The following MALRD1 variants were observed in gnomAD, a reference collection of about 807,000 sequenced individuals.
MALRD1 encodes the protein MAM and LDL receptor class A domain containing 1.
A neutral mutation model predicts 242.1 loss-of-function variants in MALRD1; 247 were observed. The ratio of observed to expected loss-of-function variants is 1.02; its 90% CI spans 0.92 to 1.13. MALRD1 has a LOEUF of 1.13. Ranked by LOEUF, MALRD1 falls within the 50% of genes most tolerant of loss-of-function variation. The probability of loss-of-function intolerance (pLI) is 0.00; values close to 1 mark genes in which losing one functional copy is unlikely to be tolerated. For synonymous variants in MALRD1, 995 were observed against 866.6 expected (o/e 1.15, Z -2.60); for missense variants, 2,989 against 2,533.1 (o/e 1.18, Z -3.86).
chr10:19,319,910 A>T (rs1842848459), intron 21 of MALRD1, among the ~76,000 whole-genome samples: 1 of 152,058 alleles, frequency 6.6e-6, no homozygotes, highest in African/African-American at 2.4e-5. Flanking sequence ...TTTTAAACTT[A>T]AAGCATTTAT....
intron 28 of MALRD1, among the ~76,000 whole-genome samples, chr10:19,437,426 T>G (rs556343619): frequency 6.6e-6 from 1 of 152,210 alleles, no homozygotes; most frequent in South Asian, 2.1e-4. Context: ...CTCTTAAACT[T>G]GGAGTTTAGA....
At chr10:19,298,325 C>T (rs545057027) in intron 21 of MALRD1, among the ~76,000 whole-genome samples, 1 of 151,754 alleles carries the variant, frequency 6.6e-6, no homozygotes, top group East Asian at 1.9e-4. Flanking sequence ...AATCAGCGCC[C>T]ATGACCCAAA....
At chr10:19,140,546 T>TGTGTGTGTGGGG (rs1478881132) in intron 10 of MALRD1, among the ~76,000 whole-genome samples, 1 of 43,876 alleles carries the variant, frequency 2.3e-5, no homozygotes, top group Non-Finnish European at 3.8e-5. Context: ...TGTGTGTATG[T>TGTGTGTGTGGGG]GTGTGTGTGT....
intron 26 of MALRD1, among the ~76,000 whole-genome samples, chr10:19,357,730 G>A (rs1324899503): frequency 6.6e-6 from 1 of 152,118 alleles, no homozygotes; most frequent in East Asian, 1.9e-4. Flanking sequence ...ATGGCATTAT[G>A]TTCTAGCAAC....
Position 19,136,567 on chromosome 10 carries a change from C to G in MALRD1, c.1204-7C>G. ...AAACTCATAAATTAATCTTTTCCTTCCTAAAGATTATTTTTGAAGGGACTC... is the reference window on the plus strand; with the variant it reads ...AAACTCATAAATTAATCTTTTCCTTGCTAAAGATTATTTTTGAAGGGACTC... On this transcript the variant is annotated splice_region_variant and splice_polypyrimidine_tract_variant and intron_variant, in intron 9 of 39. Coordinates refer to ENST00000454679, the MANE Select transcript of MALRD1 (RefSeq NM_001142308.3). The G allele has an allele frequency of 8.2e-7, 1 of 1,221,246 alleles. No homozygotes were observed. The highest frequency in any genetic ancestry group is 1.0e-6 in the Non-Finnish European group (1 of 978,508). The allele number at this position is 1,221,246 out of a possible 1,614,324, so 75.7% of individuals were successfully genotyped here.
Position 19,507,042 on chromosome 10 carries a change from G to A in MALRD1, c.5320+8396G>A, listed in dbSNP as rs1015500118. 6.6e-5 allele frequency among the ~76,000 whole-genome samples: 10 copies of A among 152,150 alleles called. No individual in the cohort carries two copies. The South Asian group carries it at 8.3e-4, about 13-fold the overall frequency. ...ATGGTGAAGGGGGAGCAGGCACAAC[G>A]CATGGTGAAAGCAGGAACAAGAGAG... On this transcript the variant is annotated intron_variant, in intron 31 of 39. Transcript: ENST00000454679.
intron 18 of MALRD1, among the ~76,000 whole-genome samples, chr10:19,246,918 T>C (rs1020415230): frequency 1.5e-4 from 23 of 152,128 alleles, no homozygotes; most frequent in Non-Finnish European, 4.4e-5. Flanking sequence ...TAGCTTAATA[T>C]GAATGTGTGG....
At chr10:19,621,760 A>G (rs1254073249) in intron 36 of MALRD1, among the ~76,000 whole-genome samples, 1 of 151,844 alleles carries the variant, frequency 6.6e-6, no homozygotes. Context: ...ACACAAAACC[A>G]AAAACTCTAA....
At chr10:19,603,545 T>C (rs1838465023) in intron 34 of MALRD1, among the ~76,000 whole-genome samples, 1 of 152,150 alleles carries the variant, frequency 6.6e-6, no homozygotes. Context: ...TCTGTTCCAT[T>C]GGTCTATATC....
intron 31 of MALRD1, among the ~76,000 whole-genome samples, chr10:19,501,495 C>G (rs943800526): frequency 6.6e-6 from 1 of 152,088 alleles, no homozygotes; most frequent in African/African-American, 2.4e-5. Context: ...GAAAGGATTT[C>G]CAAATGACAG....
chr10:19,246,195 A>G (rs1267253052), intron 18 of MALRD1, among the ~76,000 whole-genome samples: 3 of 152,170 alleles, frequency 2.0e-5, no homozygotes, highest in African/African-American at 7.2e-5. Flanking sequence ...TCTGCTTAGC[A>G]AACACTTCTA....
chr10:19,264,432 A>G (rs968770288), intron 19 of MALRD1, among the ~76,000 whole-genome samples: 2 of 143,440 alleles, frequency 1.4e-5, no homozygotes, highest in Admixed American at 6.9e-5. Context: ...ATCAGGCTGA[A>G]TTTTTTTTTC....
At chr10:19,121,541 T>A (rs992211956) in intron 5 of MALRD1, among the ~76,000 whole-genome samples, 1 of 152,172 alleles carries the variant, frequency 6.6e-6, no homozygotes, top group African/African-American at 2.4e-5. Context: ...AATGTTTTTC[T>A]AAGATGGATG....
rs185503438 is a variant in MALRD1 at position 19,681,308 on chromosome 10, C to T, written c.6138-10974C>T. ...CAGGTACCCCAATCAGTCATGGGTT[C>T]GGTCTTTTTGCATAATCACATAGTT... is the stretch of plus-strand genomic sequence containing the variant. On this transcript the variant is annotated intron_variant, in intron 36 of 39. Coordinates refer to ENST00000454679, the MANE Select transcript of MALRD1 (RefSeq NM_001142308.3). Among the ~76,000 whole-genome samples the T allele has an allele frequency of 2.3e-3, 356 of 152,206 alleles. 2 individuals carry two copies. The highest frequency in any genetic ancestry group is 3.4e-3 in the Middle Eastern group (1 of 294).
At chr10:19,510,616 G>T (rs566188036) in intron 31 of MALRD1, among the ~76,000 whole-genome samples, 211 of 152,340 alleles carry the variant, frequency 1.4e-3, no homozygotes, top group African/African-American at 4.8e-3. Flanking sequence ...ACATGTTTCT[G>T]CGAGCACAGG....
At chr10:19,688,474 T>A (rs1017086795) in intron 36 of MALRD1, among the ~76,000 whole-genome samples, 3 of 151,732 alleles carry the variant, frequency 2.0e-5, no homozygotes, top group Non-Finnish European at 1.5e-5. Flanking sequence ...TTGCCCAGAC[T>A]GATCTCAAAC....
chr10:19,229,978 TG>T (rs373813733), intron 18 of MALRD1, among the ~76,000 whole-genome samples: 13 of 152,238 alleles, frequency 8.5e-5, no homozygotes, highest in African/African-American at 3.1e-4. Context: ...AAGTGGATCA[TG>T]GGGGCAGTTT....
chr10:19,730,078 A>G (rs1252678925), intron 38 of MALRD1, among the ~76,000 whole-genome samples: 1 of 152,192 alleles, frequency 6.6e-6, no homozygotes, highest in African/African-American at 2.4e-5. Context: ...AAAGGAAAAT[A>G]ATCATATGGA....
At chr10:19,569,527 G>C (rs1444084689) in intron 33 of MALRD1, among the ~76,000 whole-genome samples, 1 of 150,928 alleles carries the variant, frequency 6.6e-6, no homozygotes, top group Non-Finnish European at 1.5e-5. Flanking sequence ...TAGAACATTT[G>C]CTTTCTCAAC....
Sources: allele counts gnomAD v4.1 joint callset (sites outside exome capture counted in the v4.1 genomes callset), GRCh38; gene constraint gnomAD v4.1.1; transcripts MANE v1.5; gene names NCBI Gene and HGNC (gene_info 2026-07-23, HGNC 2026-07-21).